The following PLA2G10 variants were observed in gnomAD, a reference collection of about 807,000 sequenced individuals.
The protein encoded by PLA2G10 is phospholipase A2 group X.
PLA2G10 carries 9 observed loss-of-function variants against 7.9 expected under a neutral mutation model. The observed-to-expected ratio is 1.14, with a 90% CI of 0.68 to 1.98. The LOEUF is 1.98. PLA2G10 is among the 30% of genes most tolerant of loss of function. The probability of loss-of-function intolerance (pLI) is 0.00; values close to 1 mark genes in which losing one functional copy is unlikely to be tolerated. For synonymous variants in PLA2G10, 19 were observed against 27.5 expected (o/e 0.69, Z 0.97); for missense variants, 53 against 65.4 (o/e 0.81, Z 0.66).
At chr16:14,678,764 T>A in intron 3 of PLA2G10, 3 of 377,466 alleles carry the variant, frequency 7.9e-6, no homozygotes, top group South Asian at 6.2e-5. Flanking sequence ...AGCAAGACTG[T>A]CTCAAAAAAA....
chr16:14,682,389 A>G (rs974615984), intron 3 of PLA2G10, among the ~76,000 whole-genome samples: 1 of 151,946 alleles, frequency 6.6e-6, no homozygotes, highest in East Asian at 1.9e-4. Context: ...CCTAGCCAAC[A>G]TGGTGAAACA....
At chr16:14,681,853 C>T (rs1055492592) in intron 3 of PLA2G10, among the ~76,000 whole-genome samples, 1 of 151,464 alleles carries the variant, frequency 6.6e-6, no homozygotes, top group South Asian at 2.1e-4. Flanking sequence ...TGGGTAGGAG[C>T]AAGCAGAATA....
At chr16:14,688,007 A>C (rs1233829867) in intron 3 of PLA2G10, among the ~76,000 whole-genome samples, 158 bp downstream of exon 3, 13 of 151,112 alleles carry the variant, frequency 8.6e-5, no homozygotes, top group Non-Finnish European at 1.9e-4. Flanking sequence ...TCAAAAAATA[A>C]ATAAAATAAA....
At chr16:14,673,560 G>A (rs1321387439) in intron 3 of PLA2G10, among the ~76,000 whole-genome samples, 1 of 151,676 alleles carries the variant, frequency 6.6e-6, no homozygotes, top group Admixed American at 6.6e-5. Flanking sequence ...AGTAGAGATG[G>A]GGTTTTGCCA....
At chr16:14,673,979 G>C (rs1296216093) in intron 3 of PLA2G10, among the ~76,000 whole-genome samples, 1 of 152,118 alleles carries the variant, frequency 6.6e-6, no homozygotes, top group African/African-American at 2.4e-5. Context: ...CATATACCTA[G>C]AAAATCCTAG....
At chr16:14,673,046 G>A (rs1383044523) in intron 3 of PLA2G10, among the ~76,000 whole-genome samples, 1 of 147,996 alleles carries the variant, frequency 6.8e-6, no homozygotes, top group African/African-American at 2.5e-5. Context: ...CTGAGATGGG[G>A]GCTTGCTCTG....
At chr16:14,673,311 C>T (rs984884058) in intron 3 of PLA2G10, among the ~76,000 whole-genome samples, 1 of 151,982 alleles carries the variant, frequency 6.6e-6, no homozygotes, top group Non-Finnish European at 1.5e-5. Context: ...GCGTGAGCCA[C>T]CATGCCTGGC....
intron 3 of PLA2G10, among the ~76,000 whole-genome samples, chr16:14,681,509 T>C (rs1329859323): frequency 6.6e-6 from 1 of 151,982 alleles, no homozygotes; most frequent in Non-Finnish European, 1.5e-5. Context: ...AGGAACCCGA[T>C]GGCATCACAT....
intron 3 of PLA2G10, among the ~76,000 whole-genome samples, chr16:14,680,602 T>G (rs1960863682): frequency 6.6e-6 from 1 of 152,170 alleles, no homozygotes; most frequent in Non-Finnish European, 1.5e-5. Flanking sequence ...GCTCAAGTGA[T>G]ACTTCTGTCT....
intron 3 of PLA2G10, among the ~76,000 whole-genome samples, chr16:14,687,610 C>A (rs1339066921): frequency 6.6e-6 from 1 of 152,236 alleles, no homozygotes. Context: ...TGTTTATTAT[C>A]TGATGCCATT....
At chr16:14,673,885 C>A (rs547824217) in intron 3 of PLA2G10, among the ~76,000 whole-genome samples, 31 of 151,978 alleles carry the variant, frequency 2.0e-4, no homozygotes, top group Non-Finnish European at 4.6e-4. Context: ...GAAGTCCTAG[C>A]CAGAGCAGTC....
At chr16:14,673,654 C>T (rs911304659) in intron 3 of PLA2G10, among the ~76,000 whole-genome samples, 17 of 152,296 alleles carry the variant, frequency 1.1e-4, no homozygotes, top group Admixed American at 9.8e-4. Flanking sequence ...CAGGCACGAG[C>T]CACCACTCTC....
At chr16:14,680,153 C>CA (rs1036086208) in intron 3 of PLA2G10, among the ~76,000 whole-genome samples, 26 of 149,086 alleles carry the variant, frequency 1.7e-4, no homozygotes, top group African/African-American at 6.4e-4. Flanking sequence ...GGCTGGAGGG[C>CA]AGTGGCATGA....
chr16:14,687,139 A>C (rs1425167016), intron 3 of PLA2G10, among the ~76,000 whole-genome samples: 2 of 151,752 alleles, frequency 1.3e-5, no homozygotes, highest in East Asian at 3.9e-4. Flanking sequence ...CAAAAAACAA[A>C]CAAACAAAAA....
intron 3 of PLA2G10, among the ~76,000 whole-genome samples, chr16:14,684,337 CAAAAAAAAAA>C (rs71373100): frequency 2.5e-5 from 1 of 39,784 alleles, no homozygotes; most frequent in African/African-American, 1.1e-4. Context: ...GACTCCATCT[CAAAAAAAAAA>C]AAAAAAAAAA....
chr16:14,678,194 G>A (rs751783866), intron 3 of PLA2G10, among the ~76,000 whole-genome samples: 3 of 152,112 alleles, frequency 2.0e-5, no homozygotes, highest in East Asian at 1.9e-4. Context: ...GCTGAAGGCC[G>A]GCTGTCCAAG....
intron 3 of PLA2G10, among the ~76,000 whole-genome samples, chr16:14,682,643 G>A (rs1165190547): frequency 6.6e-6 from 1 of 152,152 alleles, no homozygotes; most frequent in African/African-American, 2.4e-5. Flanking sequence ...CACCAGAGCA[G>A]ACCAAGTCAG....
At chr16:14,679,016 C>A (rs1460385455) in intron 3 of PLA2G10, among the ~76,000 whole-genome samples, 1 of 152,082 alleles carries the variant, frequency 6.6e-6, no homozygotes, top group Admixed American at 6.6e-5. Context: ...ATCACCTCCA[C>A]GTGGCTGTCT....
intron 3 of PLA2G10, among the ~76,000 whole-genome samples, chr16:14,675,277 G>T (rs1024410891): frequency 2.6e-5 from 4 of 151,718 alleles, no homozygotes; most frequent in African/African-American, 7.3e-5. Flanking sequence ...AATGAAACTG[G>T]ATCCCTATCT....
Sources: gnomAD v4.1 joint callset for allele counts (sites outside exome capture counted in the v4.1 genomes callset) on GRCh38, gnomAD v4.1.1 for gene constraint, MANE v1.5 for transcripts, NCBI Gene and HGNC (gene_info 2026-07-23, HGNC 2026-07-21) for gene names.